ARHGAP6: variants seen among roughly 807,000 people sequenced by gnomAD.
ARHGAP6 encodes the protein Rho GTPase activating protein 6.
ARHGAP6 carries 16 observed loss-of-function variants against 55.7 expected under a neutral mutation model. The observed-to-expected ratio is 0.29, with a 90% CI of 0.19 to 0.44. The LOEUF (loss-of-function observed/expected upper bound fraction) is 0.44, where lower values mean the gene tolerates loss of function less well. Among genes scored for constraint, ARHGAP6 ranks in the 20% least tolerant of loss-of-function variants. ARHGAP6 has a pLI of 1.00. For missense variants in ARHGAP6, 698 were observed against 808.9 expected (o/e 0.86, Z 1.66); for synonymous variants, 382 against 360.9 (o/e 1.06, Z -0.66).
intron 1 of ARHGAP6, among the ~76,000 whole-genome samples, chrX:11,321,865 A>C (rs1170342305): frequency 5.3e-5 from 6 of 112,544 alleles, no homozygotes; most frequent in African/African-American, 1.3e-4. Context: ...CAAATTAAAA[A>C]TAAAAAAGAA....
intron 9 of ARHGAP6, among the ~76,000 whole-genome samples, chrX:11,157,213 C>T (rs909639815): frequency 6.2e-5 from 7 of 112,151 alleles, no homozygotes; most frequent in Non-Finnish European, 1.3e-4. Flanking sequence ...GGGATAACAA[C>T]AGTACTCACC....
intron 1 of ARHGAP6, among the ~76,000 whole-genome samples, chrX:11,475,068 T>C (rs1396031890): frequency 1.8e-5 from 2 of 111,384 alleles, no homozygotes; most frequent in African/African-American, 3.3e-5. Flanking sequence ...GTAAATTACA[T>C]AGCATCACAT....
intron 1 of ARHGAP6, among the ~76,000 whole-genome samples, chrX:11,572,892 G>A (rs1041111358): frequency 1.8e-5 from 2 of 112,039 alleles, no homozygotes; most frequent in Non-Finnish European, 3.8e-5. Context: ...TAACTGGTGT[G>A]AGATGGTATC....
rs2048566926 is a variant in ARHGAP6, at chrX:11,331,883, G to T, written c.589-77176C>A. On this transcript the variant is annotated intron_variant, in intron 1 of 12. Coordinates refer to ENST00000337414, the MANE Select transcript of ARHGAP6 (RefSeq NM_013427.3). ...AACTGTTTGTTGATTAGACTTTCCT[G>T]GGCAAATATAACTGAATACAGAGAA... Among the ~76,000 whole-genome samples, 3 of 111,726 alleles carry T rather than the reference G, an allele frequency of 2.7e-5. No homozygotes were observed. The South Asian group carries it at 1.1e-3, about 42-fold the overall frequency.
intron 1 of ARHGAP6, among the ~76,000 whole-genome samples, chrX:11,497,934 A>G (rs2050640219): frequency 9.0e-6 from 1 of 110,856 alleles, no homozygotes; most frequent in Admixed American, 9.7e-5. Flanking sequence ...GTTGTGCACA[A>G]TTGGCTGCCA....
chrX:11,416,956 C>A (rs2049755398), intron 1 of ARHGAP6, among the ~76,000 whole-genome samples: 1 of 104,626 alleles, frequency 9.6e-6, no homozygotes, highest in Middle Eastern at 4.4e-3. Flanking sequence ...CAATCAAAAG[C>A]AGTTTGCTAG....
intron 1 of ARHGAP6, among the ~76,000 whole-genome samples, chrX:11,475,168 C>T (rs73500897): frequency 1.8e-5 from 2 of 111,603 alleles, no homozygotes; most frequent in East Asian, 2.8e-4. Flanking sequence ...TCCATAATAG[C>T]GCTATATGAT....
chrX:11,229,061 C>T (rs761609932), intron 2 of ARHGAP6, among the ~76,000 whole-genome samples: 7 of 111,869 alleles, frequency 6.3e-5, no homozygotes, highest in South Asian at 3.7e-4. Flanking sequence ...GATCTGTATC[C>T]GTTCCAAAAC....
chrX:11,516,327 G>A (rs1268189121), intron 1 of ARHGAP6, among the ~76,000 whole-genome samples: 1 of 111,202 alleles, frequency 9.0e-6, no homozygotes, highest in Non-Finnish European at 1.9e-5. Flanking sequence ...CCACATTGTT[G>A]TGCAACCATC....
chrX:11,151,246 C>T (rs1443325784), intron 10 of ARHGAP6, among the ~76,000 whole-genome samples: 1 of 107,606 alleles, frequency 9.3e-6, no homozygotes, highest in African/African-American at 3.5e-5. Flanking sequence ...TTTTAAAAAT[C>T]AAAGTCTTGC....
Position 11,590,890 on chromosome X carries a change from G to GAAAGAAAGAAAGAAAGA in ARHGAP6, c.588+73334_588+73350dup, listed in dbSNP as rs2051816875. Among the ~76,000 whole-genome samples the GAAAGAAAGAAAGAAAGA allele has an allele frequency of 3.5e-5, 3 of 85,188 alleles. 1 individual carries two copies. Among genetic ancestry groups the GAAAGAAAGAAAGAAAGA allele is most frequent in the African/African-American group, 4.8e-5 (1 of 20,808 alleles). 74.0% of individuals were successfully genotyped at this position (85,188 alleles called of 115,157 possible). On this transcript the variant is annotated intron_variant, in intron 1 of 12. Transcript: ENST00000337414. ...AGAAGGAAAGAAAGAAAGAAAGAAA[G>GAAAGAAAGAAAGAAAGA]AAAGAAAGAAAGAAAGAAAGAAAGA... is the stretch of plus-strand genomic sequence containing the variant.
chrX:11,254,716 CAAAAAAAAAAAA>C lies in ARHGAP6; in HGVS notation c.589-21_589-10del, dbSNP rs751080433. 3 of 869,131 alleles carry C rather than the reference CAAAAAAAAAAAA, an allele frequency of 3.5e-6. No individual in the cohort carries two copies. Among genetic ancestry groups the C allele is most frequent in the Non-Finnish European group, 4.2e-6 (3 of 711,835 alleles). 71.6% of individuals were successfully genotyped at this position (869,131 alleles called of 1,213,427 possible). On this transcript the variant is annotated splice_polypyrimidine_tract_variant and intron_variant, in intron 1 of 12. Transcript: ENST00000337414. ...TTCCAGGTGAAATCACCCTGTAGGC[CAAAAAAAAAAAA>C]AAAAAAAAAATCAAGAGTTACAGAG...
intron 1 of ARHGAP6, among the ~76,000 whole-genome samples, chrX:11,660,681 CCAAA>C (rs1389131877): frequency 9.1e-6 from 1 of 109,306 alleles, no homozygotes; most frequent in African/African-American, 3.3e-5. Context: ...ACCTGCTCCT[CCAAA>C]CAAATTATTG....
intron 1 of ARHGAP6, among the ~76,000 whole-genome samples, chrX:11,273,317 A>G (rs2047714202): frequency 9.1e-6 from 1 of 110,470 alleles, no homozygotes; most frequent in Non-Finnish European, 1.9e-5. Context: ...TTTTATTTTA[A>G]TGAGTCATTT....
chrX:11,274,119 A>G (rs1323838611), intron 1 of ARHGAP6, among the ~76,000 whole-genome samples: 1 of 111,528 alleles, frequency 9.0e-6, no homozygotes, highest in Non-Finnish European at 1.9e-5. Flanking sequence ...CTCCTACTCA[A>G]GAAAATTCAT....
At chrX:11,328,654 C>A (rs1006213209) in intron 1 of ARHGAP6, among the ~76,000 whole-genome samples, 1 of 112,477 alleles carries the variant, frequency 8.9e-6, no homozygotes, top group Non-Finnish European at 1.9e-5. Context: ...GTACAAGTGT[C>A]TGCCCTTGCA....
intron 1 of ARHGAP6, among the ~76,000 whole-genome samples, chrX:11,260,961 C>T (rs2147497576): frequency 9.0e-6 from 1 of 111,021 alleles, no homozygotes; most frequent in South Asian, 4.0e-4. Context: ...GAGGGCAAGA[C>T]CCTTGTCTGG....
chrX:11,604,105 G>A (rs1359629160), intron 1 of ARHGAP6, among the ~76,000 whole-genome samples: 1 of 111,572 alleles, frequency 9.0e-6, no homozygotes, highest in African/African-American at 3.3e-5. Context: ...AACCATGTAA[G>A]CATATGCAAA....
chrX:11,563,048 T>A (rs182154103), intron 1 of ARHGAP6, among the ~76,000 whole-genome samples: 114 of 111,790 alleles, frequency 1.0e-3, no homozygotes, highest in African/African-American at 3.5e-3. Flanking sequence ...ATAAAAGTTT[T>A]TTTAAAAGAG....
Sources: gnomAD v4.1 joint callset for allele counts (sites outside exome capture counted in the v4.1 genomes callset) on GRCh38, gnomAD v4.1.1 for gene constraint, MANE v1.5 for transcripts, NCBI Gene and HGNC (gene_info 2026-07-23, HGNC 2026-07-21) for gene names.